GALNT13: variants seen among roughly 807,000 people sequenced by gnomAD.
GALNT13 encodes polypeptide N-acetylgalactosaminyltransferase 13.
In GALNT13, 28 loss-of-function variants were observed where a neutral mutation model predicts 64.2. That is an observed-to-expected ratio of 0.44 (90% CI 0.32 to 0.60). The LOEUF is 0.60. GALNT13 is among the 20% of genes least tolerant of loss of function. The pLI, the probability that GALNT13 is intolerant of heterozygous loss-of-function variation, is 0.05. For synonymous variants in GALNT13, 214 were observed against 224.6 expected (o/e 0.95, Z 0.42); for missense variants, 577 against 669.8 (o/e 0.86, Z 1.53).
At chr2:154,157,130 T>C (rs1311401007) in intron 4 of GALNT13, among the ~76,000 whole-genome samples, 1 of 152,100 alleles carries the variant, frequency 6.6e-6, no homozygotes, top group African/African-American at 2.4e-5. Context: ...ATACTTCCTC[T>C]CAACCCTCAT....
At chr2:153,869,580 C>T (rs1685815263), upstream of GALNT13, among the ~76,000 whole-genome samples, 1 of 152,092 alleles carries the variant, frequency 6.6e-6, no homozygotes, top group Non-Finnish European at 1.5e-5. Flanking sequence ...ATGTTATGTA[C>T]TTCTCAGTGC....
At chr2:153,768,753 C>A in the GALNT13 span, among the ~76,000 whole-genome samples, 1 of 152,134 alleles carries the variant, frequency 6.6e-6, no homozygotes, top group Non-Finnish European at 1.5e-5. Flanking sequence ...GTAGTCCCAA[C>A]TACTCGGAAG....
intron 2 of GALNT13, among the ~76,000 whole-genome samples, chr2:153,922,616 G>A (rs1689832801): frequency 6.6e-6 from 1 of 152,158 alleles, no homozygotes; most frequent in East Asian, 1.9e-4. Context: ...TTTAAGAAAG[G>A]AAACTTTATA....
chr2:154,077,835 A>G (rs1004639684), intron 3 of GALNT13, among the ~76,000 whole-genome samples: 1 of 151,496 alleles, frequency 6.6e-6, no homozygotes, highest in African/African-American at 2.4e-5. Flanking sequence ...CACATGGGGG[A>G]AGGTTACACA....
the GALNT13 span, among the ~76,000 whole-genome samples, chr2:153,474,629 G>T: frequency 6.6e-6 from 1 of 152,124 alleles, no homozygotes; most frequent in Non-Finnish European, 1.5e-5. Flanking sequence ...TTATACAGAG[G>T]CCACCCAATT....
At chr2:153,880,405 G>T (rs2105235639) in intron 1 of GALNT13, among the ~76,000 whole-genome samples, 1 of 152,098 alleles carries the variant, frequency 6.6e-6, no homozygotes, top group Middle Eastern at 3.4e-3. Context: ...ACCGATGTTT[G>T]ATTAAATTAT....
the GALNT13 span, among the ~76,000 whole-genome samples, chr2:153,112,109 A>G: frequency 6.6e-6 from 1 of 152,058 alleles, no homozygotes; most frequent in Non-Finnish European, 1.5e-5. Flanking sequence ...GTTTCCTTCC[A>G]TATGGCGGGG....
chr2:153,931,358 C>T (rs972310749), intron 2 of GALNT13, among the ~76,000 whole-genome samples: 6 of 151,734 alleles, frequency 4.0e-5, no homozygotes, highest in Admixed American at 2.0e-4. Context: ...CTTGATTACT[C>T]TCACTATGAC....
chr2:153,919,206 T>C (rs1347216694), intron 2 of GALNT13, among the ~76,000 whole-genome samples: 2 of 152,184 alleles, frequency 1.3e-5, no homozygotes, highest in Non-Finnish European at 2.9e-5. Context: ...CCTCATTTTC[T>C]ATCATACTTA....
the GALNT13 span, among the ~76,000 whole-genome samples, chr2:153,153,244 GTTGT>G: frequency 1.3e-5 from 2 of 151,924 alleles, no homozygotes; most frequent in East Asian, 1.9e-4. Context: ...TTTTAATGAG[GTTGT>G]TTGTTTTGTT....
intron 8 of GALNT13, among the ~76,000 whole-genome samples, chr2:154,291,447 TCCCCACCCTA>T (rs1387367113): frequency 6.6e-6 from 1 of 152,098 alleles, no homozygotes; most frequent in African/African-American, 2.4e-5. Flanking sequence ...GTTCTCCAGG[TCCCCACCCTA>T]CCCAGAAGCC....
intron 9 of GALNT13, among the ~76,000 whole-genome samples, chr2:154,344,871 A>G (rs1483188310): frequency 6.6e-6 from 1 of 151,994 alleles, no homozygotes; most frequent in Non-Finnish European, 1.5e-5. Context: ...GAGCTTTTAG[A>G]AGAGTTAACT....
the GALNT13 span, among the ~76,000 whole-genome samples, chr2:153,609,640 G>A: frequency 1.3e-5 from 2 of 152,138 alleles, no homozygotes; most frequent in African/African-American, 2.4e-5. Context: ...CAACTAGAGA[G>A]CAGTCTTAGG....
intron 9 of GALNT13, among the ~76,000 whole-genome samples, chr2:154,351,682 C>CAAAAAAAAAAAAAAAAAAAAAAAAA: frequency 2.2e-5 from 1 of 44,668 alleles, no homozygotes; most frequent in Non-Finnish European, 3.8e-5. Context: ...GACTCCGTCT[C>CAAAAAAAAAAAAAAAAAAAAAAAAA]AAAAAAAAAA....
At chr2:154,153,381 C>A (rs757964144) in intron 4 of GALNT13, among the ~76,000 whole-genome samples, 49 of 152,300 alleles carry the variant, frequency 3.2e-4, no homozygotes, top group Non-Finnish European at 6.5e-4. Flanking sequence ...GGTCAGGGGT[C>A]AGGGACCCAC....
At chr2:153,205,709 A>G in the GALNT13 span, among the ~76,000 whole-genome samples, 1 of 152,026 alleles carries the variant, frequency 6.6e-6, no homozygotes, top group African/African-American at 2.4e-5. Context: ...TGCTTCATAC[A>G]TCTTAGTAAT....
intron 8 of GALNT13, among the ~76,000 whole-genome samples, chr2:154,272,903 C>T (rs1232299560): frequency 6.6e-6 from 1 of 152,014 alleles, no homozygotes. Context: ...AAAAAAATAG[C>T]TTTAAAATTT....
At chr2:153,683,430 G>C in the GALNT13 span, among the ~76,000 whole-genome samples, 112,479 of 146,412 alleles carry the variant, frequency 0.77, 42,708 homozygotes, top group Middle Eastern at 0.85. Flanking sequence ...TTGCATATAC[G>C]TAAATGGAAA....
the GALNT13 span, among the ~76,000 whole-genome samples, chr2:153,856,481 A>G: frequency 2.0e-5 from 3 of 152,144 alleles, no homozygotes; most frequent in South Asian, 2.1e-4. Context: ...TTGAATGACC[A>G]TTTCACCAAA....
Sources: allele counts gnomAD v4.1 joint callset (sites outside exome capture counted in the v4.1 genomes callset), GRCh38; gene constraint gnomAD v4.1.1; transcripts MANE v1.5; gene names NCBI Gene and HGNC (gene_info 2026-07-23, HGNC 2026-07-21).